The following FOXO1 variants were observed in gnomAD, a reference collection of about 807,000 sequenced individuals.
The protein encoded by FOXO1 is forkhead box protein O1.
A neutral mutation model predicts 44.1 loss-of-function variants in FOXO1; 6 were observed. The observed-to-expected ratio is 0.14, with a 90% CI of 0.07 to 0.27. The LOEUF (loss-of-function observed/expected upper bound fraction) is 0.27. Among genes scored for constraint, FOXO1 ranks in the 10% least tolerant of loss-of-function variants. The pLI is 1.00. For synonymous variants in FOXO1, 380 were observed against 362.7 expected, an observed-to-expected ratio of 1.05 and a Z score of -0.54; for missense variants, 737 against 888.8, an observed-to-expected ratio of 0.83 and a Z score of 2.17.
chr13:40,620,294 C>T, intron 1 of FOXO1: 1 of 1,016,788 alleles, frequency 9.8e-7, no homozygotes, highest in Non-Finnish European at 1.6e-6. Flanking sequence ...AGAACTCATC[C>T]AGAGTAGGGC....
chr13:40,663,172 C>A (rs1461092739), intron 1 of FOXO1, among the ~76,000 whole-genome samples: 2 of 150,698 alleles, frequency 1.3e-5, no homozygotes, highest in African/African-American at 4.8e-5. Context: ...CAATTCCAGA[C>A]AGATAACTTA....
At chr13:40,581,328 G>A (rs559552229) in intron 1 of FOXO1, among the ~76,000 whole-genome samples, 19 of 152,246 alleles carry the variant, frequency 1.2e-4, no homozygotes, top group South Asian at 4.1e-4. Context: ...CTTGCAGAGG[G>A]CTGTCTTCAT....
At chr13:40,660,616 G>T (rs567321190) in intron 1 of FOXO1, among the ~76,000 whole-genome samples, 3 of 152,142 alleles carry the variant, frequency 2.0e-5, no homozygotes, top group African/African-American at 7.2e-5. Flanking sequence ...ATCCCATTTC[G>T]TATCGCCTCG....
At chr13:40,578,879 C>T (rs1277714813) in intron 1 of FOXO1, among the ~76,000 whole-genome samples, 1 of 152,184 alleles carries the variant, frequency 6.6e-6, no homozygotes, top group East Asian at 1.9e-4. Context: ...CACCCCTCCA[C>T]GCACATACAC....
intron 1 of FOXO1, chr13:40,620,084 T>C: frequency 4.9e-6 from 5 of 1,019,414 alleles, no homozygotes; most frequent in Non-Finnish European, 7.6e-6. Flanking sequence ...ATAACTCAAG[T>C]CTTTTTAGAG....
chr13:40,588,557 A>G (rs915997882), intron 1 of FOXO1, among the ~76,000 whole-genome samples: 1 of 152,158 alleles, frequency 6.6e-6, no homozygotes, highest in Non-Finnish European at 1.5e-5. Context: ...TGGGGGGGAC[A>G]TTTACTCCAA....
chr13:40,574,583 CAA>C (rs995768927), intron 1 of FOXO1, among the ~76,000 whole-genome samples: 1 of 152,140 alleles, frequency 6.6e-6, no homozygotes, highest in African/African-American at 2.4e-5. Context: ...ACTTATATAA[CAA>C]AGAGATGAGC....
At chr13:40,582,497 C>T (rs992693406) in intron 1 of FOXO1, among the ~76,000 whole-genome samples, 3 of 152,228 alleles carry the variant, frequency 2.0e-5, no homozygotes, top group Non-Finnish European at 2.9e-5. Flanking sequence ...TTACTCACAG[C>T]AGAACTTCTT....
intron 1 of FOXO1, among the ~76,000 whole-genome samples, chr13:40,612,768 ATTAG>A (rs771430078): frequency 1.4e-4 from 21 of 152,258 alleles, no homozygotes; most frequent in South Asian, 4.2e-4. Flanking sequence ...CTGTTTTATT[ATTAG>A]TTATTGTTGT....
At chr13:40,618,874 T>G in intron 1 of FOXO1, 1 of 526,572 alleles carries the variant, frequency 1.9e-6, no homozygotes. Flanking sequence ...CGATGAAGAT[T>G]ATCGGCTTAT....
At chr13:40,569,820 AT>A (rs1293080237) in intron 1 of FOXO1, among the ~76,000 whole-genome samples, 2 of 152,102 alleles carry the variant, frequency 1.3e-5, no homozygotes, top group Admixed American at 1.3e-4. Flanking sequence ...TATGCTGCCC[AT>A]GCTGGTCTCC....
At chr13:40,613,223 T>C (rs1876299437) in intron 1 of FOXO1, among the ~76,000 whole-genome samples, 1 of 152,094 alleles carries the variant, frequency 6.6e-6, no homozygotes, top group Non-Finnish European at 1.5e-5. Flanking sequence ...GGTGTGTGTG[T>C]TGGAGGGCAG....
chr13:40,635,705 T>G (rs545443737), intron 1 of FOXO1, among the ~76,000 whole-genome samples: 15 of 152,322 alleles, frequency 9.8e-5, no homozygotes, highest in Admixed American at 7.2e-4. Context: ...CTACAGTCAA[T>G]AAGGCTGATG....
At chr13:40,635,367 A>G (rs575319074) in intron 1 of FOXO1, among the ~76,000 whole-genome samples, 55 of 151,518 alleles carry the variant, frequency 3.6e-4, no homozygotes, top group East Asian at 9.7e-4. Flanking sequence ...CATTTAGGGG[A>G]AAAAAAAACT....
At chr13:40,637,899 T>C (rs1172154032) in intron 1 of FOXO1, among the ~76,000 whole-genome samples, 2 of 152,156 alleles carry the variant, frequency 1.3e-5, no homozygotes, top group African/African-American at 4.8e-5. Flanking sequence ...AGATAAGCAA[T>C]ACTATACAGA....
Position 40,571,318 on chromosome 13 carries a change from C to A in FOXO1, c.631-10458G>T, listed in dbSNP as rs533791988. Among the ~76,000 whole-genome samples, 15 of 152,110 alleles carry A rather than the reference C, an allele frequency of 9.9e-5. No homozygotes were observed. In the East Asian group the frequency reaches 2.7e-3, roughly 27 times the overall value. ...GCACACTAACATGGCACATGTATAC[C>A]TATGTAACAAGCCTGCACATTGTGC... On this transcript the variant is annotated intron_variant, in intron 1 of 2. Transcript: ENST00000379561.
At chr13:40,621,057 C>T (rs1247385976) in intron 1 of FOXO1, 1 of 193,098 alleles carries the variant, frequency 5.2e-6, no homozygotes, top group Non-Finnish European at 1.1e-5. Context: ...CTCGGCCTCC[C>T]AAAGTGCTAG....
intron 1 of FOXO1, among the ~76,000 whole-genome samples, chr13:40,586,442 C>G (rs9532564): frequency 0.15 from 22,892 of 152,130 alleles, 2,257 homozygotes; most frequent in South Asian, 0.27. Context: ...CAGGGAGACC[C>G]CAATCCCATC....
intron 1 of FOXO1, among the ~76,000 whole-genome samples, chr13:40,633,630 G>A (rs1464330263): frequency 6.6e-6 from 1 of 152,170 alleles, no homozygotes; most frequent in African/African-American, 2.4e-5. Context: ...AATGGGGAGT[G>A]ACTGGTAGTA....
Sources: gnomAD v4.1 joint callset for allele counts (sites outside exome capture counted in the v4.1 genomes callset) on GRCh38, gnomAD v4.1.1 for gene constraint, MANE v1.5 for transcripts, NCBI Gene and HGNC (gene_info 2026-07-23, HGNC 2026-07-21) for gene names.